The following ROCK1 variants were observed in gnomAD, a reference collection of about 807,000 sequenced individuals.
ROCK1 encodes Rho associated coiled-coil containing protein kinase 1.
ROCK1 carries 36 observed loss-of-function variants against 196.8 expected under a neutral mutation model. The observed-to-expected ratio is 0.18, with a 90% confidence interval of 0.14 to 0.24. ROCK1 has a LOEUF of 0.24. ROCK1 is among the 10% of genes least tolerant of loss of function. The pLI is 1.00. For missense variants in ROCK1, 920 were observed against 1,562.0 expected (o/e 0.59, Z 6.93); for synonymous variants, 443 against 515.9 (o/e 0.86, Z 1.91).
At chr18:21,106,227 T>C (rs1036547573) in intron 1 of ROCK1, among the ~76,000 whole-genome samples, 5 of 152,214 alleles carry the variant, frequency 3.3e-5, no homozygotes, top group East Asian at 1.9e-4. Context: ...CCAATAAATA[T>C]GCTACAAGCA....
chr18:21,062,618 A>T (rs2036301238), intron 2 of ROCK1, among the ~76,000 whole-genome samples: 2 of 152,146 alleles, frequency 1.3e-5, no homozygotes, highest in African/African-American at 4.8e-5. Context: ...CCCCTCCAGG[A>T]GAGTATGGAA....
intron 2 of ROCK1, among the ~76,000 whole-genome samples, chr18:21,058,128 A>T (rs148118004): frequency 6.6e-6 from 1 of 152,354 alleles, no homozygotes; most frequent in East Asian, 1.9e-4. Context: ...ATATACTGAT[A>T]CACAGATATG....
rs187430668 is a variant in ROCK1, at chr18:20,969,644, T to A, written c.2821-436A>T. Among the ~76,000 whole-genome samples the A allele has an allele frequency of 1.0e-3, 154 of 152,308 alleles. 1 individual carries two copies. The highest frequency in any genetic ancestry group is 1.3e-3 in the Non-Finnish European group (88 of 68,018). On this transcript the variant is annotated intron_variant, in intron 23 of 32. Coordinates refer to ENST00000399799, the MANE Select transcript of ROCK1 (RefSeq NM_005406.3). ...TTAGTAATATATAATCATTACTTGT[T>A]ATATGTTATATTAATCATTCTATGT...
chr18:21,108,954 TCTTC>T (rs951337482), intron 1 of ROCK1, among the ~76,000 whole-genome samples: 12 of 152,332 alleles, frequency 7.9e-5, no homozygotes, highest in Admixed American at 3.3e-4. Context: ...TCCAACCTTA[TCTTC>T]CTTGTTTCCC....
Position 21,042,605 on chromosome 18 carries a change from G to C in ROCK1, c.780C>G (p.Asp260Glu). Reference sequence around the variant, plus strand: ...ATAAAAATACCCCAACCGACCACCAGTCACATTCTCTTCCATAATAACCAT... The same window carrying C: ...ATAAAAATACCCCAACCGACCACCACTCACATTCTCTTCCATAATAACCAT... The part of the protein sequence containing the change: ...GGDGYYGREC[D>E]WWSVGVFLYE... The change falls in exon 7 of 33, where the codon GAC becomes GAG. Residue 260 changes from aspartate (D) to glutamate (E), a missense_variant. Asp to Glu is a conservative substitution (Grantham distance 45). This residue lies in a region of ROCK1 where 234 missense variants were observed against 460.7 expected (regional missense o/e 0.51). Coordinates refer to ENST00000399799, the MANE Select transcript of ROCK1 (RefSeq NM_005406.3). The C allele has an allele frequency of 6.2e-7, 1 of 1,613,888 alleles. No individual in the cohort carries two copies. Among genetic ancestry groups the C allele is most frequent in the African/African-American group, 1.3e-5 (1 of 75,002 alleles).
intron 13 of ROCK1, among the ~76,000 whole-genome samples, chr18:21,012,579 T>C (rs1204884578): frequency 1.3e-5 from 2 of 152,200 alleles, no homozygotes; most frequent in African/African-American, 4.8e-5. Flanking sequence ...GTCATTAATT[T>C]TCAGAAATCT....
chr18:20,978,699 A>ACAT (rs1435014108), intron 22 of ROCK1, among the ~76,000 whole-genome samples: 1 of 152,214 alleles, frequency 6.6e-6, no homozygotes, highest in Non-Finnish European at 1.5e-5. Flanking sequence ...AACTGAGGGA[A>ACAT]CATCTACAGG....
Position 20,982,806 on chromosome 18 carries a change from A to G in ROCK1, c.2516T>C (p.Met839Thr), listed in dbSNP as rs760406185. The G allele has an allele frequency of 7.0e-6, 11 of 1,580,666 alleles. No individual in the cohort carries two copies. The highest frequency in any genetic ancestry group is 1.3e-5 in the African/African-American group (1 of 74,110). The change falls in exon 21 of 33, where the codon ATG (methionine) becomes ACG (threonine). Residue 839 changes from methionine (M) to threonine (T), a missense_variant. Physicochemically the swap from Met to Thr is moderately conservative, Grantham distance 81. Around this residue, in one of 6 missense-constraint regions of ROCK1, gnomAD observed 520 missense variants for 657.1 expected, o/e 0.79. Coordinates refer to ENST00000399799, the MANE Select transcript of ROCK1 (RefSeq NM_005406.3). ...TKQYRGNEGQ[M>T]RELQDQLEAE... is the part of the protein sequence containing the mutation. ...TTCAAGCTGATCTTGTAGCTCCCGC[A>G]TCTGTCCTTCATTTCCTCTATACTG...
intron 11 of ROCK1, among the ~76,000 whole-genome samples, chr18:21,021,128 T>G (rs1435188534): frequency 6.6e-6 from 1 of 152,148 alleles, no homozygotes; most frequent in East Asian, 1.9e-4. Context: ...GAAAGCACAA[T>G]GTATGACCAA....
intron 1 of ROCK1, among the ~76,000 whole-genome samples, chr18:21,102,706 A>G (rs1217603404): frequency 6.6e-6 from 1 of 152,070 alleles, no homozygotes; most frequent in Non-Finnish European, 1.5e-5. Flanking sequence ...CTACCAAAAA[A>G]AATACAAAAA....
intron 2 of ROCK1, among the ~76,000 whole-genome samples, chr18:21,051,568 A>G (rs963580251): frequency 6.6e-6 from 1 of 152,242 alleles, no homozygotes; most frequent in African/African-American, 2.4e-5. Context: ...GTAAGGACTG[A>G]CAGAAGAGGC....
intron 1 of ROCK1, among the ~76,000 whole-genome samples, chr18:21,099,712 T>G (rs2036642216): frequency 6.6e-6 from 1 of 152,120 alleles, no homozygotes; most frequent in South Asian, 2.1e-4. Context: ...GCCACTGCAC[T>G]CCAGCCTGGG....
chr18:21,020,419 G>T (rs952839770), intron 11 of ROCK1, among the ~76,000 whole-genome samples, 180 bp from the exon 12 acceptor site: 1 of 151,722 alleles, frequency 6.6e-6, no homozygotes, highest in Non-Finnish European at 1.5e-5. Flanking sequence ...TTTACTAAAC[G>T]TTAGGCCATT....
At position 21,111,536 on chromosome 18, in the gene ROCK1, T is replaced by C. The variant is rs1212185486; in HGVS notation, c.-626A>G. 5 of 175,350 alleles carry C rather than the reference T, an allele frequency of 2.9e-5. No individual in the cohort carries two copies. Among genetic ancestry groups the C allele is most frequent in the South Asian group, 1.9e-4 (1 of 5,344 alleles). The allele number at this position is 175,350 out of a possible 1,614,324, so 10.9% of individuals were successfully genotyped here. A position where few individuals can be genotyped will look rare whatever the true frequency, so the allele number is the denominator to read the frequency against. On this transcript the variant is annotated 5_prime_UTR_variant, in exon 1 of 33. Transcript: ENST00000399799. This position sits in a 1 kb window ranked among gnomAD's most constrained non-coding sequence, Gnocchi z 4.2. ...AGCCTCACTCTCCCATTTTGTCCCG[T>C]CGCTGCTGGGGCTGCTGCTACGGTG...
At chr18:21,031,650 G>C (rs1404359952) in intron 9 of ROCK1, among the ~76,000 whole-genome samples, 1 of 149,062 alleles carries the variant, frequency 6.7e-6, no homozygotes, top group Non-Finnish European at 1.5e-5. Context: ...AACCACCTCT[G>C]AGGAAACCAA....
At chr18:20,999,788 T>A (rs1311505316) in intron 16 of ROCK1, among the ~76,000 whole-genome samples, 1 of 152,174 alleles carries the variant, frequency 6.6e-6, no homozygotes, top group African/African-American at 2.4e-5. Context: ...CCACCACACC[T>A]GGCTGATTTT....
chr18:20,984,240 G>T (rs1260964349), intron 20 of ROCK1, 111 bp downstream of exon 20: 1 of 799,322 alleles, frequency 1.3e-6, no homozygotes. Flanking sequence ...CTTTTTTTCT[G>T]TCTTTCACAA....
intron 1 of ROCK1, among the ~76,000 whole-genome samples, chr18:21,075,019 A>G (rs2036417523): frequency 6.6e-6 from 1 of 152,208 alleles, no homozygotes; most frequent in African/African-American, 2.4e-5. Context: ...ATGAAGGAGA[A>G]GGAGTCAAAG....
chr18:21,078,325 T>C (rs2036451815), intron 1 of ROCK1, among the ~76,000 whole-genome samples: 1 of 147,412 alleles, frequency 6.8e-6, no homozygotes, highest in Non-Finnish European at 1.5e-5. Flanking sequence ...CAAGACTCTA[T>C]CTCAAAACAC....
Sources: gnomAD v4.1 joint callset for allele counts (sites outside exome capture counted in the v4.1 genomes callset) on GRCh38, gnomAD v4.1.1 for gene constraint, gnomAD v4.1.1 regional missense constraint, Gnocchi (gnomAD v3.1) non-coding constraint, MANE v1.5 for transcripts, NCBI Gene and HGNC (gene_info 2026-07-23, HGNC 2026-07-21) for gene names.